ACACA: variants seen among roughly 807,000 people sequenced by gnomAD.
ACACA encodes acetyl-CoA carboxylase 1.
In ACACA, 103 loss-of-function variants were observed where a neutral mutation model predicts 296.1. The ratio of observed to expected loss-of-function variants is 0.35; its 90% confidence interval spans 0.30 to 0.41. The LOEUF is 0.41. Among genes scored for constraint, ACACA ranks in the 10% least tolerant of loss-of-function variants. ACACA has a pLI of 1.00. For synonymous variants in ACACA, 953 were observed against 1,038.6 expected (o/e 0.92, Z 1.58); for missense variants, 1,554 against 2,989.7 (o/e 0.52, Z 11.20).
intron 24 of ACACA, among the ~76,000 whole-genome samples, chr17:37,236,730 CAGA>C (rs1400078980): frequency 2.6e-5 from 4 of 152,094 alleles, no homozygotes; most frequent in African/African-American, 9.7e-5. Flanking sequence ...CAGGCTGAGG[CAGA>C]AGAATTGCTT....
Position 37,179,288 on chromosome 17 carries a change from T to C in ACACA, c.5051A>G (p.His1684Arg). ...LVLDDQGQLV[H>R]MNRLPGGNEI... is the part of the protein sequence containing the mutation. ...ATTTCCTCCTGGAAGCCTGTTCATG[T>C]GGACCAGCTGACCTTGATCATCCAG... The change falls in exon 41 of 56, where the codon CAC (histidine) becomes CGC (arginine). Residue 1684 changes from histidine (H) to arginine (R), a missense_variant. By Grantham distance (29) the His-to-Arg change is conservative. This residue lies in a region of ACACA where 553 missense variants were observed against 1,043.6 expected (regional missense o/e 0.53). Coordinates refer to ENST00000616317, the MANE Select transcript of ACACA (RefSeq NM_198834.3). 5 of 1,614,174 alleles carry C rather than the reference T, an allele frequency of 3.1e-6. No individual in the cohort carries two copies. Among genetic ancestry groups the C allele is most frequent in the East Asian group, 2.2e-5 (1 of 44,870 alleles).
At chr17:37,260,290 ATATATATTTTTTTTTTTTTT>A (rs2081437255) in intron 11 of ACACA, among the ~76,000 whole-genome samples, 1 of 17,554 alleles carries the variant, frequency 5.7e-5, no homozygotes, top group African/African-American at 2.2e-4. Flanking sequence ...ATATATATAT[ATATATATTTTTTTTTTTTTT>A]TTTTTTGGAG....
chr17:37,348,494 A>C (rs2048734440), intron 1 of ACACA, among the ~76,000 whole-genome samples: 1 of 152,186 alleles, frequency 6.6e-6, no homozygotes, highest in African/African-American at 2.4e-5. Context: ...ATCAGAAATA[A>C]CAACAGAAGC....
In ACACA at chr17:37,130,537, G is replaced by A. The variant is rs145840148; in HGVS notation, c.5680-319C>T. ...GTATACATATGTAACAAACCTGCAC[G>A]TTGTGCACATGTACCCTAAAACTTG... On this transcript the variant is annotated intron_variant, in intron 45 of 55. Transcript: ENST00000616317. Among the ~76,000 whole-genome samples the A allele has an allele frequency of 3.1e-3, 467 of 151,952 alleles. 3 individuals carry two copies. The South Asian group carries it at 0.032, about 11-fold the overall frequency.
At chr17:37,087,522 A>G (rs1448173365) in intron 55 of ACACA, 83 bp from the exon 56 acceptor site, 1 of 1,523,908 alleles carries the variant, frequency 6.6e-7, no homozygotes, top group African/African-American at 1.4e-5. Flanking sequence ...CCCAATAAAC[A>G]TGTGTGCACC....
intron 44 of ACACA, among the ~76,000 whole-genome samples, chr17:37,151,059 A>G (rs1350414494): frequency 6.6e-6 from 1 of 152,108 alleles, no homozygotes; most frequent in Non-Finnish European, 1.5e-5. Context: ...TCAAAAAAAA[A>G]AAAGAAAGAA....
At chr17:37,279,760 G>A (rs1157703512) in intron 5 of ACACA, among the ~76,000 whole-genome samples, 5 of 152,040 alleles carry the variant, frequency 3.3e-5, no homozygotes, top group African/African-American at 1.2e-4. Flanking sequence ...GCAGTGAGCC[G>A]AGATTGCGCC....
intron 42 of ACACA, among the ~76,000 whole-genome samples, chr17:37,156,221 G>A (rs1598001617): frequency 6.6e-6 from 1 of 151,502 alleles, no homozygotes; most frequent in Non-Finnish European, 1.5e-5. Context: ...CCACCACCTC[G>A]CCTGGCTAAT....
chr17:37,142,334 G>C (rs1346489797), intron 45 of ACACA, among the ~76,000 whole-genome samples: 1 of 152,190 alleles, frequency 6.6e-6, no homozygotes, highest in Non-Finnish European at 1.5e-5. Context: ...CAGACTAATA[G>C]AGTCAAAACA....
intron 25 of ACACA, among the ~76,000 whole-genome samples, chr17:37,232,260 T>A (rs544239971): frequency 1.3e-5 from 2 of 152,234 alleles, no homozygotes; most frequent in Non-Finnish European, 2.9e-5. Flanking sequence ...AAGCATACTA[T>A]CAACATTCCT....
chr17:37,328,872 G>T (rs1156826445), intron 3 of ACACA: 2 of 398,414 alleles, frequency 5.0e-6, no homozygotes, highest in Non-Finnish European at 8.8e-6. Context: ...CACCAAGCCA[G>T]TATCAAATGA....
intron 1 of ACACA, among the ~76,000 whole-genome samples, chr17:37,381,789 A>T (rs542046178): frequency 2.0e-5 from 3 of 151,362 alleles, no homozygotes; most frequent in Non-Finnish European, 2.9e-5. Context: ...CACCACACCC[A>T]GTTAATTTTT....
intron 54 of ACACA, among the ~76,000 whole-genome samples, chr17:37,094,654 C>T (rs913995556): frequency 6.7e-6 from 1 of 150,236 alleles, no homozygotes; most frequent in Non-Finnish European, 1.5e-5. Flanking sequence ...AACACTGCAA[C>T]CCTTTCTTCT....
intron 1 of ACACA, among the ~76,000 whole-genome samples, chr17:37,366,297 G>T (rs2049598260): frequency 6.6e-6 from 1 of 151,830 alleles, no homozygotes; most frequent in Non-Finnish European, 1.5e-5. Flanking sequence ...CTCTATTGTT[G>T]TTATTATATA....
chr17:37,252,261 C>T (rs1368988613), intron 15 of ACACA, among the ~76,000 whole-genome samples, 153 bp from the exon 16 acceptor site: 1 of 152,164 alleles, frequency 6.6e-6, no homozygotes, highest in Non-Finnish European at 1.5e-5. Flanking sequence ...TAAAAATGAA[C>T]ACATTCACTT....
At chr17:37,247,801 G>A (rs2146033627) in intron 18 of ACACA, 2 of 615,294 alleles carry the variant, frequency 3.3e-6, no homozygotes, top group East Asian at 5.6e-5. Flanking sequence ...ATTTTTCATT[G>A]TCCACATACA....
chr17:37,118,399 A>G (rs1355173656), intron 50 of ACACA, among the ~76,000 whole-genome samples: 2 of 152,274 alleles, frequency 1.3e-5, no homozygotes, highest in Admixed American at 6.5e-5. Context: ...CTTACAAATA[A>G]TTAAAGTGAT....
intron 3 of ACACA, among the ~76,000 whole-genome samples, chr17:37,288,856 C>T (rs1003168633): frequency 6.6e-6 from 1 of 151,954 alleles, no homozygotes; most frequent in Non-Finnish European, 1.5e-5. Context: ...TATGATCACA[C>T]CACTGCACTC....
chr17:37,346,502 C>T (rs2048625787), intron 1 of ACACA, among the ~76,000 whole-genome samples: 1 of 151,794 alleles, frequency 6.6e-6, no homozygotes. Flanking sequence ...GAGATCGAGA[C>T]CATCCTGGCT....
Sources: gnomAD v4.1 joint callset for allele counts (sites outside exome capture counted in the v4.1 genomes callset) on GRCh38, gnomAD v4.1.1 for gene constraint, gnomAD v4.1.1 regional missense constraint, MANE v1.5 for transcripts, NCBI Gene and HGNC (gene_info 2026-07-23, HGNC 2026-07-21) for gene names.